SHC2: variants seen among roughly 807,000 people sequenced by gnomAD.
The protein encoded by SHC2 is SHC adaptor protein 2.
In SHC2, 62 loss-of-function variants were observed where a neutral mutation model predicts 60.6. The ratio of observed to expected loss-of-function variants is 1.02; its 90% CI spans 0.83 to 1.26. The LOEUF (loss-of-function observed/expected upper bound fraction) is 1.26, where lower values mean the gene tolerates loss of function less well. SHC2 is among the 50% of genes most tolerant of loss of function. The pLI is 0.00. For synonymous variants in SHC2, 375 were observed against 372.4 expected, an observed-to-expected ratio of 1.01 and a Z score of -0.08; for missense variants, 873 against 822.2, an observed-to-expected ratio of 1.06 and a Z score of -0.76.
Position 425,094 on chromosome 19 carries a change from T to A in SHC2, c.1309+3A>T. On this transcript the variant is annotated splice_donor_region_variant and intron_variant, in intron 10 of 12. Coordinates refer to ENST00000264554, the MANE Select transcript of SHC2 (RefSeq NM_012435.3). This position sits in a 1 kb window ranked among gnomAD's most constrained non-coding sequence, Gnocchi z 4.1. ...GACGGCCGCCCCCCAGGCTGCCACA[T>A]ACGCATGTCAAACAGATCCTTTTTG... is the stretch of plus-strand genomic sequence containing the variant. 1 of 1,393,154 alleles carries A rather than the reference T, an allele frequency of 7.2e-7. No individual in the cohort carries two copies. The highest frequency in any genetic ancestry group is 9.4e-7 in the Non-Finnish European group (1 of 1,065,560). 86.3% of individuals were successfully genotyped at this position (1,393,154 alleles called of 1,614,324 possible). A position where few individuals can be genotyped will look rare whatever the true frequency, so the allele number is the denominator to read the frequency against.
chr19:419,245 G>A (rs989305787), intron 11 of SHC2, 189 bp from the exon 12 acceptor site: 133 of 627,384 alleles, frequency 2.1e-4, no homozygotes, highest in Non-Finnish European at 4.1e-5. Context: ...ATGGGCACGG[G>A]CTCTGAAACC....
chr19:458,136 T>TTC, intron 1 of SHC2, among the ~76,000 whole-genome samples: 1 of 86,756 alleles, frequency 1.2e-5, no homozygotes, highest in African/African-American at 4.5e-5. Context: ...GAGGCGGAAG[T>TTC]GGGTTCCGGG....
At position 460,946 on chromosome 19, in the gene SHC2, G is replaced by C. The variant is rs1353337855; in HGVS notation, c.51C>G (p.Pro17=). The C allele has an allele frequency of 1.5e-5, 15 of 984,168 alleles. No homozygotes were observed. The highest frequency in any genetic ancestry group is 1.8e-5 in the Non-Finnish European group (15 of 829,924). The allele number at this position is 984,168 out of a possible 1,614,324, so 61.0% of individuals were successfully genotyped here. ...AGAAGGTGGTGGGCGCCTCGGGCTC[G>C]GGGGGCGCGGGGGGCGCCGGGGGCG... The part of the protein sequence containing the change: ...GRAPPAPPAP[P]EPEAPTTFCA... The change falls in exon 1 of 13, where the codon CCC becomes CCG. Residue 17 remains proline, a synonymous_variant. Coordinates refer to ENST00000264554, the MANE Select transcript of SHC2 (RefSeq NM_012435.3).
rs141776515 is a variant in SHC2, at chr19:448,253, C to G, written c.469-7321G>C. On this transcript the variant is annotated intron_variant, in intron 1 of 12. Transcript: ENST00000264554. ...AGGGCTGCCGTGAGCAAAGGCCACA[C>G]CTGGGGGCCACGGGAGCGGATCCTC... 8.2e-4 allele frequency among the ~76,000 whole-genome samples: 125 copies of G among 152,354 alleles called. 1 individual carries two copies. In the East Asian group the frequency reaches 0.023, roughly 28 times the overall value.
In SHC2 at chr19:446,279, TTG is replaced by T. The variant is rs763314115; in HGVS notation, c.469-5349_469-5348del. ...GAACTGTGACAGAACAAGTCTATGT[TTG>T]TGTGTGTGTGTGTTTTGTTTTGTTT... is the stretch of plus-strand genomic sequence containing the variant. On this transcript the variant is annotated intron_variant, in intron 1 of 12. Coordinates refer to ENST00000264554, the MANE Select transcript of SHC2 (RefSeq NM_012435.3). The surrounding 1 kb of genome is among the most constrained non-coding windows in gnomAD (Gnocchi z 5.4). 1.3e-5 allele frequency among the ~76,000 whole-genome samples: 2 copies of T among 151,688 alleles called. No individual in the cohort carries two copies. Among genetic ancestry groups the T allele is most frequent in the East Asian group, 1.9e-4 (1 of 5,176 alleles).
chr19:448,315 C>T (rs953409438), intron 1 of SHC2, among the ~76,000 whole-genome samples: 2 of 152,288 alleles, frequency 1.3e-5, no homozygotes, highest in East Asian at 3.9e-4. Flanking sequence ...GGTCAAGCTG[C>T]GGGCAGGGCC....
intron 1 of SHC2, among the ~76,000 whole-genome samples, chr19:450,282 C>T (rs4919870): frequency 0.18 from 27,784 of 152,258 alleles, 2,774 homozygotes; most frequent in Middle Eastern, 0.24. Flanking sequence ...TCCAACCTAA[C>T]TCCACGTGGC....
intron 9 of SHC2, among the ~76,000 whole-genome samples, chr19:427,616 C>G (rs1025980728): frequency 3.1e-5 from 3 of 97,528 alleles, no homozygotes; most frequent in African/African-American, 4.3e-5. Context: ...AGGGGAATTG[C>G]GCACGGCACA....
chr19:454,256 A>G (rs1472061566), intron 1 of SHC2, among the ~76,000 whole-genome samples: 1 of 152,132 alleles, frequency 6.6e-6, no homozygotes, highest in African/African-American at 2.4e-5. Context: ...GCAGACACGG[A>G]CGGTTCTGCT....
At chr19:444,139 G>A (rs1974995822) in intron 1 of SHC2, among the ~76,000 whole-genome samples, 1 of 150,992 alleles carries the variant, frequency 6.6e-6, no homozygotes, top group Admixed American at 6.6e-5. Context: ...TGGGTGGATT[G>A]GTGGGTGGAT....
At chr19:436,709 T>G (rs1600296080) in intron 4 of SHC2, 26 bp from the exon 5 acceptor site, 1 of 1,596,762 alleles carries the variant, frequency 6.3e-7, no homozygotes, top group South Asian at 1.1e-5. Flanking sequence ...GCACACGCGG[T>G]CATGGGGGCC....
At chr19:434,638 G>A in intron 8 of SHC2, 71 bp downstream of exon 8, 1 of 1,331,960 alleles carries the variant, frequency 7.5e-7, no homozygotes, top group South Asian at 1.4e-5. Context: ...AGAAAGAAGA[G>A]CTGGAGGTAG....
chr19:429,921 GAC>G (rs1469484649), intron 9 of SHC2, among the ~76,000 whole-genome samples: 1 of 147,448 alleles, frequency 6.8e-6, no homozygotes, highest in African/African-American at 2.5e-5. Context: ...CCGTGTGGAT[GAC>G]ACAGTATCTA....
intron 1 of SHC2, among the ~76,000 whole-genome samples, chr19:442,622 A>G (rs1418619574): frequency 2.2e-3 from 18 of 8,238 alleles, no homozygotes; most frequent in Middle Eastern, 0.083. Context: ...TGGGTGGATG[A>G]GTGAATGGGT....
chr19:458,111 G>A (rs995231543), intron 1 of SHC2, among the ~76,000 whole-genome samples: 1 of 132,454 alleles, frequency 7.5e-6, no homozygotes, highest in African/African-American at 2.6e-5. Flanking sequence ...CGGGGAGGCA[G>A]AAGCGGGTCT....
At chr19:429,489 C>T (rs1319621188) in intron 9 of SHC2, among the ~76,000 whole-genome samples, 10 of 148,900 alleles carry the variant, frequency 6.7e-5, no homozygotes, top group African/African-American at 1.7e-4. Flanking sequence ...TGACGCAGTA[C>T]CTATACCCAA....
chr19:428,612 C>T (rs1281193916), intron 9 of SHC2, among the ~76,000 whole-genome samples: 2 of 152,206 alleles, frequency 1.3e-5, no homozygotes, highest in African/African-American at 4.8e-5. Context: ...AGGAAAATAA[C>T]TCAGGAGCCA....
chr19:438,732 G>T lies in SHC2; in HGVS notation c.706C>A (p.Pro236Thr). 1 of 1,562,552 alleles carries T rather than the reference G, an allele frequency of 6.4e-7. No homozygotes were observed. Among genetic ancestry groups the T allele is most frequent in the Non-Finnish European group, 8.7e-7 (1 of 1,154,624 alleles). The change falls in exon 4 of 13, where the codon CCT becomes ACT. Residue 236 changes from proline to threonine, a missense_variant. By Grantham distance (38) the Pro-to-Thr change is conservative (BLOSUM62 -1). Transcript: ENST00000264554. The surrounding 1 kb of genome is among the most constrained non-coding windows in gnomAD (Gnocchi z 5.0). ...GGCAGACCCACCTGGCGCGTGGCAG[G>T]CACGGAGAGGCTGAGGCCATCAGTG... ...ISTDGLSLSV[P>T]ATRQVIANHH...
intron 9 of SHC2, among the ~76,000 whole-genome samples, chr19:428,353 C>T (rs1355310596): frequency 2.0e-5 from 3 of 152,294 alleles, no homozygotes; most frequent in East Asian, 1.9e-4. Context: ...ACAGGCGGAC[C>T]GTTTAAGGTC....
Sources: allele counts gnomAD v4.1 joint callset (sites outside exome capture counted in the v4.1 genomes callset), GRCh38; gene constraint gnomAD v4.1.1; non-coding constraint Gnocchi (gnomAD v3.1); transcripts MANE v1.5; gene names NCBI Gene and HGNC (gene_info 2026-07-23, HGNC 2026-07-21).